The following PDE4D variants were observed in gnomAD, a reference collection of about 807,000 sequenced individuals.
The protein encoded by PDE4D is 3',5'-cyclic-AMP phosphodiesterase 4D.
Under a neutral mutation model 87.4 loss-of-function variants are expected in PDE4D, and 24 were observed. The observed-to-expected ratio is 0.27, with a 90% CI of 0.20 to 0.39. The LOEUF is 0.39. Among genes scored for constraint, PDE4D ranks in the 10% least tolerant of loss-of-function variants. The probability of loss-of-function intolerance (pLI) is 1.00; values close to 1 mark genes in which losing one functional copy is unlikely to be tolerated. For synonymous variants in PDE4D, 384 were observed against 383.2 expected, an observed-to-expected ratio of 1.00 and a Z score of -0.02; for missense variants, 714 against 1,041.0, an observed-to-expected ratio of 0.69 and a Z score of 4.32.
intron 1 of PDE4D, among the ~76,000 whole-genome samples, chr5:59,662,025 T>C (rs1745330118): frequency 6.6e-6 from 1 of 152,178 alleles, no homozygotes; most frequent in Admixed American, 6.5e-5. Context: ...CTTGGGCTAA[T>C]GGAATGTGAG....
At chr5:59,218,848 T>C (rs999343810) in intron 1 of PDE4D, among the ~76,000 whole-genome samples, 23 of 152,228 alleles carry the variant, frequency 1.5e-4, no homozygotes, top group African/African-American at 4.8e-4. Context: ...TAGTGACTGA[T>C]ATTTTATTGG....
chr5:60,482,778 T>C (rs1748833696), intron 1 of PDE4D, among the ~76,000 whole-genome samples: 1 of 152,244 alleles, frequency 6.6e-6, no homozygotes, highest in African/African-American at 2.4e-5. Flanking sequence ...ATGTATTTCC[T>C]GGAATGGTAC....
intron 5 of PDE4D, among the ~76,000 whole-genome samples, chr5:59,164,677 A>G (rs1781636350): frequency 6.6e-6 from 1 of 152,082 alleles, no homozygotes; most frequent in South Asian, 2.1e-4. Context: ...GATTTAATAA[A>G]CTTATTCTAA....
At chr5:59,072,171 A>G (rs779334918) in intron 5 of PDE4D, among the ~76,000 whole-genome samples, 4 of 152,078 alleles carry the variant, frequency 2.6e-5, no homozygotes, top group Non-Finnish European at 4.4e-5. Flanking sequence ...TGATGATCCA[A>G]CTGAACAGTT....
rs10038606 is a variant in PDE4D at position 60,304,502 on chromosome 5, G to C, written c.-89-118815C>G. 4.4e-3 allele frequency among the ~76,000 whole-genome samples: 670 copies of C among 151,300 alleles called. 7 individuals carry two copies. The highest frequency in any genetic ancestry group is 0.016 in the African/African-American group (638 of 41,120). On this transcript the variant is annotated intron_variant, in intron 1 of 16. Coordinates refer to the PDE4D transcript ENST00000502484. Reference sequence around the variant, plus strand: ...CTACTAAAAATACAAAAAATTAGCCGGGCGCGGTGGCGGGCGCCTGTAGTC... The same window carrying C: ...CTACTAAAAATACAAAAAATTAGCCCGGCGCGGTGGCGGGCGCCTGTAGTC...
At chr5:59,883,385 A>G (rs988409211) in intron 1 of PDE4D, among the ~76,000 whole-genome samples, 1 of 152,204 alleles carries the variant, frequency 6.6e-6, no homozygotes, top group Non-Finnish European at 1.5e-5. Flanking sequence ...TGAAGAATGC[A>G]GCTTCTTTTA....
Position 59,443,875 on chromosome 5 carries a change from G to A in PDE4D, c.456-227907C>T, listed in dbSNP as rs75444862. 3.9e-3 allele frequency among the ~76,000 whole-genome samples: 589 copies of A among 151,150 alleles called. 3 individuals are homozygous for A. The highest frequency in any genetic ancestry group is 0.014 in the African/African-American group (568 of 40,708). On this transcript the variant is annotated intron_variant, in intron 1 of 14. Transcript: ENST00000340635. ...ATGATGATAGAAAATAGGTAATGAG[G>A]GGAAAAAAAATCACAGAATTTCATA...
In PDE4D at chr5:59,893,329, G is replaced by T. The variant is rs1361754146; in HGVS notation, c.294C>A (p.Ser98Arg). 2 of 1,505,274 alleles carry T rather than the reference G, an allele frequency of 1.3e-6. No individual in the cohort carries two copies. The highest frequency in any genetic ancestry group is 1.8e-6 in the Non-Finnish European group (2 of 1,124,362). 93.2% of individuals were successfully genotyped at this position (1,505,274 alleles called of 1,614,324 possible). ...PGAARGRYAS[S>R]GATGRVRHRG... ...GATGCCGGACGCGGCCGGTGGCCCCGCTCGAGGCGTAGCGGCCGCGGGCAG... is the reference window on the plus strand; with the variant it reads ...GATGCCGGACGCGGCCGGTGGCCCCTCTCGAGGCGTAGCGGCCGCGGGCAG... The change falls in exon 1 of 15, where the codon AGC (serine) becomes AGA (arginine). Residue 98 changes from serine to arginine, a missense_variant. Around this residue, in one of 7 missense-constraint regions of PDE4D, gnomAD observed 268 missense variants for 272.9 expected, o/e 0.98. Coordinates refer to ENST00000340635, the MANE Select transcript of PDE4D (RefSeq NM_001104631.2).
chr5:59,138,560 T>A (rs1216545464), intron 5 of PDE4D, among the ~76,000 whole-genome samples: 1 of 152,234 alleles, frequency 6.6e-6, no homozygotes, highest in Admixed American at 6.5e-5. Context: ...GTCTAAGACT[T>A]CCTACAGAAA....
chr5:59,633,168 C>G (rs887014631), intron 1 of PDE4D, among the ~76,000 whole-genome samples: 1 of 151,666 alleles, frequency 6.6e-6, no homozygotes, highest in African/African-American at 2.4e-5. Flanking sequence ...TGAAATAAAG[C>G]ATGAAGACAA....
At chr5:59,256,739 G>A (rs184261690) in intron 1 of PDE4D, among the ~76,000 whole-genome samples, 58 of 152,064 alleles carry the variant, frequency 3.8e-4, no homozygotes, top group African/African-American at 1.3e-3. Flanking sequence ...AGCTGCATTG[G>A]CATCTTTACT....
intron 1 of PDE4D, among the ~76,000 whole-genome samples, chr5:60,252,262 G>T (rs1562260481): frequency 6.6e-6 from 1 of 151,592 alleles, no homozygotes; most frequent in Non-Finnish European, 1.5e-5. Context: ...AATACATGGG[G>T]GTGGAGAATT....
intron 1 of PDE4D, among the ~76,000 whole-genome samples, chr5:60,294,422 T>A (rs1583328055): frequency 6.6e-6 from 1 of 152,340 alleles, no homozygotes; most frequent in African/African-American, 2.4e-5. Flanking sequence ...GCAGTCTAAT[T>A]TACCAATTTT....
chr5:59,580,207 G>C (rs969045325), intron 1 of PDE4D, among the ~76,000 whole-genome samples: 10 of 152,170 alleles, frequency 6.6e-5, no homozygotes, highest in Non-Finnish European at 1.0e-4. Flanking sequence ...GCCAGGCCTG[G>C]TTTTGAGTGG....
At chr5:59,285,559 AAAGAAATACACTGG>A (rs772102325) in intron 1 of PDE4D, among the ~76,000 whole-genome samples, 5 of 152,186 alleles carry the variant, frequency 3.3e-5, no homozygotes, top group Non-Finnish European at 5.9e-5. Context: ...TTGCCAGGGT[AAAGAAATACACTGG>A]AAGAAGTCTT....
At chr5:59,635,729 A>T (rs189815883) in intron 1 of PDE4D, among the ~76,000 whole-genome samples, 3 of 152,106 alleles carry the variant, frequency 2.0e-5, no homozygotes, top group Admixed American at 1.3e-4. Context: ...TTGATGTAAC[A>T]TGTCTTGAAA....
chr5:59,474,923 T>C (rs1464717763), intron 1 of PDE4D, among the ~76,000 whole-genome samples: 1 of 152,000 alleles, frequency 6.6e-6, no homozygotes, highest in African/African-American at 2.4e-5. Flanking sequence ...TGGTTGGGTT[T>C]TTTTTCCCCC....
At chr5:60,119,153 A>G (rs1028201263) in intron 2 of PDE4D, among the ~76,000 whole-genome samples, 1 of 152,198 alleles carries the variant, frequency 6.6e-6, no homozygotes, top group Non-Finnish European at 1.5e-5. Flanking sequence ...ACTTTCATCC[A>G]TCATTTTAGC....
chr5:59,160,475 A>G (rs1661721592), intron 5 of PDE4D, among the ~76,000 whole-genome samples: 1 of 149,984 alleles, frequency 6.7e-6, no homozygotes, highest in South Asian at 2.1e-4. Flanking sequence ...TTTTTCCTTC[A>G]TTAGCTGCAT....
Sources: allele counts gnomAD v4.1 joint callset (sites outside exome capture counted in the v4.1 genomes callset), GRCh38; gene constraint gnomAD v4.1.1; regional missense constraint gnomAD v4.1.1; transcripts MANE v1.5; gene names NCBI Gene and HGNC (gene_info 2026-07-23, HGNC 2026-07-21).